WDR17: variants seen among roughly 807,000 people sequenced by gnomAD.
The protein encoded by WDR17 is WD repeat domain 17.
Under a neutral mutation model 161.7 loss-of-function variants are expected in WDR17, and 143 were observed. That is an observed-to-expected ratio of 0.88 (90% CI 0.77 to 1.02). The LOEUF (loss-of-function observed/expected upper bound fraction) is 1.02. Ranked by LOEUF, WDR17 falls within the 50% of genes least tolerant of loss-of-function variation. WDR17 has a pLI of 0.00. For missense variants in WDR17, 1,469 were observed against 1,520.9 expected (o/e 0.97, Z 0.57); for synonymous variants, 517 against 515.6 (o/e 1.00, Z -0.04).
At chr4:176,170,312 T>C (rs1443907463) in intron 23 of WDR17, among the ~76,000 whole-genome samples, 5 of 135,898 alleles carry the variant, frequency 3.7e-5, no homozygotes, top group Non-Finnish European at 7.8e-5. Flanking sequence ...ATTTTTTCTT[T>C]TTTCTTTTTT....
At chr4:176,084,925 T>A (rs1735239186) in intron 1 of WDR17, among the ~76,000 whole-genome samples, 1 of 151,582 alleles carries the variant, frequency 6.6e-6, no homozygotes, top group Admixed American at 6.6e-5. Context: ...TATGAAGAGA[T>A]CTATCCTGGA....
intron 1 of WDR17, among the ~76,000 whole-genome samples, chr4:176,102,419 A>G (rs548183831): frequency 1.0e-3 from 154 of 152,338 alleles, no homozygotes; most frequent in African/African-American, 3.6e-3. Context: ...CACAGATCTT[A>G]TGGAAGACAG....
intron 24 of WDR17, 121 bp downstream of exon 24, chr4:176,172,637 A>G: frequency 2.2e-6 from 2 of 897,228 alleles, no homozygotes; most frequent in East Asian, 2.8e-5. Flanking sequence ...AGGCTGGGTA[A>G]TTTATAAAGA....
At position 176,176,932 on chromosome 4, in the gene WDR17, T is replaced by C. The variant is rs1001582533; in HGVS notation, c.3450-126T>C. 1.4e-5 allele frequency: 9 copies of C among 627,466 alleles called. No individual in the cohort carries two copies. In the African/African-American group the frequency reaches 1.7e-4, roughly 12 times the overall value. 38.9% of individuals were successfully genotyped at this position (627,466 alleles called of 1,614,324 possible). ...TACTAGAAAATATTCTATATGTATA[T>C]TATATATAACGTATAATGTCTGTAT... On this transcript the variant is annotated intron_variant, in intron 26 of 28. Coordinates refer to ENST00000508596, the MANE Select transcript of WDR17 (RefSeq NM_181265.4).
At chr4:176,154,958 A>G (rs1192728867) in intron 17 of WDR17, among the ~76,000 whole-genome samples, 1 of 152,196 alleles carries the variant, frequency 6.6e-6, no homozygotes, top group African/African-American at 2.4e-5. Context: ...CTTCTTCAAT[A>G]GAAGTCCAAT....
Position 176,081,352 on chromosome 4 carries a change from C to G in WDR17, c.-7+15273C>G, listed in dbSNP as rs146515963. 3.9e-3 allele frequency among the ~76,000 whole-genome samples: 591 copies of G among 152,236 alleles called. 5 individuals are homozygous for G. The highest frequency in any genetic ancestry group is 0.013 in the African/African-American group (541 of 41,556). On this transcript the variant is annotated intron_variant, in intron 1 of 28. Transcript: ENST00000508596. The stretch of plus-strand genomic sequence containing the variant: ...CTGTTCATTCTCATGTTCCACTACT[C>G]CTTTTTACGTGCCATTATACTTTAG...
intron 18 of WDR17, among the ~76,000 whole-genome samples, chr4:176,158,698 AT>A (rs1263401479): frequency 1.6e-4 from 25 of 152,168 alleles, no homozygotes; most frequent in African/African-American, 5.5e-4. Context: ...ATTAGAATAG[AT>A]TTAGTGGGGA....
At chr4:176,069,368 T>G (rs1732929701) in intron 1 of WDR17, among the ~76,000 whole-genome samples, 1 of 152,064 alleles carries the variant, frequency 6.6e-6, no homozygotes, top group Non-Finnish European at 1.5e-5. Context: ...ATTTAAAAAA[T>G]GTACTGTAGA....
intron 4 of WDR17, among the ~76,000 whole-genome samples, chr4:176,122,668 G>T (rs184204808): frequency 9.9e-5 from 15 of 152,266 alleles, no homozygotes; most frequent in African/African-American, 3.4e-4. Context: ...TCTTCTTGAT[G>T]ACTTACTGGC....
At chr4:176,091,784 G>T (rs1214140876) in intron 1 of WDR17, among the ~76,000 whole-genome samples, 1 of 152,032 alleles carries the variant, frequency 6.6e-6, no homozygotes, top group African/African-American at 2.4e-5. Context: ...TGAAAAAAGA[G>T]ATATTACAAC....
intron 1 of WDR17, among the ~76,000 whole-genome samples, chr4:176,108,666 G>T (rs535039831): frequency 4.6e-5 from 7 of 152,180 alleles, no homozygotes; most frequent in African/African-American, 1.4e-4. Context: ...GTTATGGGGT[G>T]GGGGAGGCTA....
intron 1 of WDR17, among the ~76,000 whole-genome samples, chr4:176,083,367 A>G (rs920822948): frequency 6.6e-6 from 1 of 152,128 alleles, no homozygotes; most frequent in African/African-American, 2.4e-5. Flanking sequence ...TTTAAGCATA[A>G]ATAGAACATT....
intron 22 of WDR17, among the ~76,000 whole-genome samples, chr4:176,167,519 G>A (rs1225214422): frequency 3.3e-5 from 5 of 149,750 alleles, no homozygotes; most frequent in East Asian, 2.0e-4. Flanking sequence ...GGTGGCGGGC[G>A]CCTGTAGTCC....
intron 13 of WDR17, 152 bp downstream of exon 13, chr4:176,148,487 TATA>T (rs1746557968): frequency 1.1e-5 from 8 of 721,976 alleles, no homozygotes; most frequent in Non-Finnish European, 1.8e-5. Context: ...CGTTTATTAT[TATA>T]ATACCAGAAT....
chr4:176,127,034 T>C (rs918873482), intron 5 of WDR17, among the ~76,000 whole-genome samples: 2 of 152,204 alleles, frequency 1.3e-5, no homozygotes, highest in African/African-American at 2.4e-5. Context: ...TATGTCTTTA[T>C]AGCAGTGTGA....
intron 2 of WDR17, among the ~76,000 whole-genome samples, chr4:176,113,345 T>A (rs114444374): frequency 6.6e-6 from 1 of 152,204 alleles, no homozygotes; most frequent in African/African-American, 2.4e-5. Flanking sequence ...CATAACTTAA[T>A]TTTTTCAAGT....
At chr4:176,110,401 C>T (rs1017514131) in intron 1 of WDR17, among the ~76,000 whole-genome samples, 8 of 152,214 alleles carry the variant, frequency 5.3e-5, no homozygotes, top group Admixed American at 5.2e-4. Context: ...GCTGGGATTA[C>T]AGGCGTGAGC....
Position 176,179,580 on chromosome 4 carries a change from T to G in WDR17, c.*1T>G. On this transcript the variant is annotated 3_prime_UTR_variant, in exon 29 of 29. Transcript: ENST00000508596. ...TGGAATACGACTCAATCCATTCTGA[T>G]AGAAGATTTTTGTCCATGCTTGATT... is the stretch of plus-strand genomic sequence containing the variant. The G allele has an allele frequency of 1.9e-6, 3 of 1,545,152 alleles. No individual in the cohort carries two copies. Among genetic ancestry groups the G allele is most frequent in the Non-Finnish European group, 2.6e-6 (3 of 1,146,728 alleles).
At chr4:176,082,410 C>T (rs900793809) in intron 1 of WDR17, among the ~76,000 whole-genome samples, 6 of 151,956 alleles carry the variant, frequency 3.9e-5, no homozygotes, top group African/African-American at 7.3e-5. Context: ...TTGAGAATTT[C>T]GCTTTGTAAA....
Sources: gnomAD v4.1 joint callset for allele counts (sites outside exome capture counted in the v4.1 genomes callset) on GRCh38, gnomAD v4.1.1 for gene constraint, MANE v1.5 for transcripts, NCBI Gene and HGNC (gene_info 2026-07-23, HGNC 2026-07-21) for gene names.